The following RTN4R variants were observed in gnomAD, a reference collection of about 807,000 sequenced individuals.
RTN4R encodes the protein reticulon 4 receptor, also known as reticulon-4 receptor.
Under a neutral mutation model 27.7 loss-of-function variants are expected in RTN4R, and 4 were observed. The observed-to-expected ratio is 0.14, with a 90% CI of 0.07 to 0.33. RTN4R has a LOEUF of 0.33. Ranked by LOEUF, RTN4R falls within the 10% of genes least tolerant of loss-of-function variation. RTN4R has a pLI of 1.00. For synonymous variants in RTN4R, 290 were observed against 305.6 expected (o/e 0.95, Z 0.53); for missense variants, 554 against 671.5 (o/e 0.83, Z 1.93).
chr22:20,254,009 A>G (rs563195112), intron 1 of RTN4R, among the ~76,000 whole-genome samples: 1 of 152,292 alleles, frequency 6.6e-6, no homozygotes, highest in South Asian at 2.1e-4. Flanking sequence ...AAGCTAGCAA[A>G]GAAACAATAC....
At position 20,248,602 on chromosome 22, in the gene RTN4R, T is replaced by C. The variant is rs114787668; in HGVS notation, c.23-5492A>G. On this transcript the variant is annotated intron_variant, in intron 1 of 1. Coordinates refer to ENST00000043402, the MANE Select transcript of RTN4R (RefSeq NM_023004.6). ...GTGAAGTGGCCCCTGTCCCAGGTGC[T>C]GTGCTGAGTGCCGCCCATACAAGAC... is the stretch of plus-strand genomic sequence containing the variant. Among the ~76,000 whole-genome samples the C allele has an allele frequency of 6.5e-3, 983 of 152,296 alleles. 14 individuals are homozygous for C. Among genetic ancestry groups the C allele is most frequent in the African/African-American group, 0.023 (942 of 41,572 alleles).
chr22:20,258,007 C>T (rs967498970), intron 1 of RTN4R, among the ~76,000 whole-genome samples: 2 of 152,184 alleles, frequency 1.3e-5, no homozygotes, highest in Non-Finnish European at 1.5e-5. Context: ...TAAGGCCCAC[C>T]TCATGGCACC....
At chr22:20,264,561 A>T (rs2051266410) in intron 1 of RTN4R, among the ~76,000 whole-genome samples, 1 of 152,214 alleles carries the variant, frequency 6.6e-6, no homozygotes, top group Non-Finnish European at 1.5e-5. Context: ...ACAGGCTAGG[A>T]ACGAACGAGT....
intron 1 of RTN4R, among the ~76,000 whole-genome samples, chr22:20,261,199 T>A (rs1022262962): frequency 1.3e-5 from 2 of 152,102 alleles, no homozygotes; most frequent in Admixed American, 1.3e-4. Context: ...CATGGGCTGG[T>A]CAGAGTCCAG....
At chr22:20,261,917 C>G (rs890051861) in intron 1 of RTN4R, among the ~76,000 whole-genome samples, 30 of 152,256 alleles carry the variant, frequency 2.0e-4, no homozygotes, top group Admixed American at 3.9e-4. Context: ...AACGAAGGGG[C>G]CAAAGCTTCA....
intron 1 of RTN4R, chr22:20,243,671 T>C (rs1485941744): frequency 2.5e-6 from 1 of 401,740 alleles, no homozygotes; most frequent in South Asian, 1.9e-5. Flanking sequence ...GGCAGCCTGC[T>C]CCCTCCTCCA....
chr22:20,257,126 T>C (rs1010414246), intron 1 of RTN4R, among the ~76,000 whole-genome samples: 3 of 152,232 alleles, frequency 2.0e-5, no homozygotes, highest in African/African-American at 4.8e-5. Flanking sequence ...TGTGCAGCTA[T>C]AGAGACAGCA....
intron 1 of RTN4R, among the ~76,000 whole-genome samples, chr22:20,256,807 AC>A (rs2051214588): frequency 6.6e-6 from 1 of 152,050 alleles, no homozygotes; most frequent in African/African-American, 2.4e-5. Flanking sequence ...CTCAGGCACC[AC>A]CTGTGCTTCT....
rs1221704983 is a variant in RTN4R at position 20,242,844 on chromosome 22, C to G, written c.289G>C (p.Asp97His). ...WLHSNVLARI[D>H]AAAFTGLALL... ...GCCAGGCCAGTGAAGGCAGCCGCAT[C>G]AATTCGGGCCAGCACATTCGAGTGC... is the stretch of plus-strand genomic sequence containing the variant. Residue 97 changes from aspartate (D) to histidine (H), a missense_variant, in exon 2 of 2, where the codon GAT (aspartate) becomes CAT (histidine). By Grantham distance (81) the Asp-to-His change is moderately conservative. Around this residue, in one of 2 missense-constraint regions of RTN4R, gnomAD observed 413 missense variants for 542.3 expected, o/e 0.76. Coordinates refer to ENST00000043402, the MANE Select transcript of RTN4R (RefSeq NM_023004.6). The G allele has an allele frequency of 1.2e-6, 2 of 1,613,004 alleles. No homozygotes were observed. The highest frequency in any genetic ancestry group is 4.5e-5 in the East Asian group (2 of 44,862).
intron 1 of RTN4R, among the ~76,000 whole-genome samples, chr22:20,261,795 G>GTT (rs1323132979): frequency 6.6e-6 from 1 of 152,242 alleles, no homozygotes; most frequent in African/African-American, 2.4e-5. Context: ...TCTTCAAGTG[G>GTT]AGAGGGGTAG....
intron 1 of RTN4R, among the ~76,000 whole-genome samples, chr22:20,259,105 G>A (rs2051229419): frequency 6.6e-6 from 1 of 152,110 alleles, no homozygotes; most frequent in Non-Finnish European, 1.5e-5. Context: ...GCAGCTCGGG[G>A]TTGGGGACAG....
Position 20,268,101 on chromosome 22 carries a change from T to C in RTN4R, c.-9A>G. On this transcript the variant is annotated 5_prime_UTR_variant, in exon 1 of 2. Transcript: ENST00000043402. ...GCGGACGCCCTCTTCATCGTAGGGGTTGGGCGGGGCGCGTCGGGGACTGAA... is the reference window on the plus strand; with the variant it reads ...GCGGACGCCCTCTTCATCGTAGGGGCTGGGCGGGGCGCGTCGGGGACTGAA... The C allele has an allele frequency of 8.5e-7, 1 of 1,178,106 alleles. No homozygotes were observed. The highest frequency in any genetic ancestry group is 1.1e-6 in the Non-Finnish European group (1 of 949,392). The allele number at this position is 1,178,106 out of a possible 1,614,324, so 73.0% of individuals were successfully genotyped here. A position where few individuals can be genotyped will look rare whatever the true frequency, so the allele number is the denominator to read the frequency against.
Position 20,241,555 on chromosome 22 carries a change from G to A in RTN4R, c.*156C>T, listed in dbSNP as rs1454135228. The A allele has an allele frequency of 2.4e-5, 18 of 734,846 alleles. No homozygotes were observed. Among genetic ancestry groups the A allele is most frequent in the African/African-American group, 1.4e-4 (8 of 57,060 alleles). 45.5% of individuals were successfully genotyped at this position (734,846 alleles called of 1,614,324 possible). On this transcript the variant is annotated 3_prime_UTR_variant, in exon 2 of 2. Transcript: ENST00000043402. ...CCGCCGAACCCTGTAAACATGATGGGGTGGAGATGGGGGTGGCGGGCGGCA... is the reference window on the plus strand; with the variant it reads ...CCGCCGAACCCTGTAAACATGATGGAGTGGAGATGGGGGTGGCGGGCGGCA...
chr22:20,241,564 G>T lies in RTN4R; in HGVS notation c.*147C>A. On this transcript the variant is annotated 3_prime_UTR_variant, in exon 2 of 2. Transcript: ENST00000043402. ...CCTGTAAACATGATGGGGTGGAGAT[G>T]GGGGTGGCGGGCGGCAGGCGTCCAT... is the stretch of plus-strand genomic sequence containing the variant. The T allele has an allele frequency of 1.3e-6, 1 of 785,980 alleles. No individual in the cohort carries two copies. The highest frequency in any genetic ancestry group is 2.0e-6 in the Non-Finnish European group (1 of 488,402). 48.7% of individuals were successfully genotyped at this position (785,980 alleles called of 1,614,324 possible).
chr22:20,245,084 G>C (rs1006509278), intron 1 of RTN4R, among the ~76,000 whole-genome samples: 1 of 152,214 alleles, frequency 6.6e-6, no homozygotes, highest in Non-Finnish European at 1.5e-5. Context: ...CCCTCCCGAA[G>C]CAGCTGTGTG....
At chr22:20,257,212 G>A (rs972607696) in intron 1 of RTN4R, among the ~76,000 whole-genome samples, 9 of 152,208 alleles carry the variant, frequency 5.9e-5, no homozygotes, top group African/African-American at 1.9e-4. Flanking sequence ...TGGGTTGGGG[G>A]CATGGCTCCA....
chr22:20,261,979 T>C (rs1380589131), intron 1 of RTN4R, among the ~76,000 whole-genome samples: 1 of 152,140 alleles, frequency 6.6e-6, no homozygotes, highest in Non-Finnish European at 1.5e-5. Context: ...GCTGGAAACA[T>C]GTCTTAGGGA....
At chr22:20,264,720 A>G (rs1301674754) in intron 1 of RTN4R, among the ~76,000 whole-genome samples, 1 of 152,196 alleles carries the variant, frequency 6.6e-6, no homozygotes, top group Non-Finnish European at 1.5e-5. Flanking sequence ...GGGACCCGAG[A>G]GGGCATCTGC....
chr22:20,253,844 T>TA (rs11333422), intron 1 of RTN4R, among the ~76,000 whole-genome samples: 120 of 149,154 alleles, frequency 8.0e-4, no homozygotes, highest in African/African-American at 2.5e-3. Context: ...TCACTAAAAT[T>TA]AAAAAAAAAA....
Sources: gnomAD v4.1 joint callset for allele counts (sites outside exome capture counted in the v4.1 genomes callset) on GRCh38, gnomAD v4.1.1 for gene constraint, gnomAD v4.1.1 regional missense constraint, MANE v1.5 for transcripts, NCBI Gene and HGNC (gene_info 2026-07-23, HGNC 2026-07-21) for gene names.